The following B3GALT1 variants were observed in gnomAD, a reference collection of about 807,000 sequenced individuals.
B3GALT1 encodes the protein beta-1,3-galactosyltransferase 1.
In B3GALT1, 10 loss-of-function variants were observed where a neutral mutation model predicts 23.2. The observed-to-expected ratio is 0.43, with a 90% CI of 0.27 to 0.73. The LOEUF (loss-of-function observed/expected upper bound fraction) is 0.73. B3GALT1 is among the 30% of genes least tolerant of loss of function. The pLI, the probability that B3GALT1 is intolerant of heterozygous loss-of-function variation, is 0.21. For synonymous variants in B3GALT1, 156 were observed against 141.5 expected (o/e 1.10, Z -0.73); for missense variants, 299 against 405.4 (o/e 0.74, Z 2.25).
intron 4 of B3GALT1, among the ~76,000 whole-genome samples, chr2:167,831,290 A>G (rs553974798): frequency 6.6e-6 from 1 of 152,284 alleles, no homozygotes; most frequent in African/African-American, 2.4e-5. Context: ...TTAATGGAAA[A>G]TCTCCTTTAT....
chr2:167,702,845 A>C (rs1405073410), intron 3 of B3GALT1, among the ~76,000 whole-genome samples: 1 of 152,254 alleles, frequency 6.6e-6, no homozygotes, highest in Non-Finnish European at 1.5e-5. Flanking sequence ...GAAAAGCTAC[A>C]AAAGAAACAT....
At chr2:167,807,505 G>C (rs1308228051) in intron 3 of B3GALT1, among the ~76,000 whole-genome samples, 3 of 151,364 alleles carry the variant, frequency 2.0e-5, no homozygotes, top group African/African-American at 7.3e-5. Context: ...AGAGATTCTG[G>C]TATGTTGTGT....
At chr2:167,499,220 T>C (rs956197200) in intron 2 of B3GALT1, among the ~76,000 whole-genome samples, 11 of 152,178 alleles carry the variant, frequency 7.2e-5, no homozygotes, top group African/African-American at 2.7e-4. Context: ...TGCATGTTGA[T>C]TTTACTGTCT....
chr2:167,724,385 C>A (rs1574231955), intron 3 of B3GALT1, among the ~76,000 whole-genome samples: 1 of 152,166 alleles, frequency 6.6e-6, no homozygotes, highest in African/African-American at 2.4e-5. Flanking sequence ...AACTTAACAT[C>A]TACAAACTCG....
chr2:167,452,800 A>T (rs182153797), intron 1 of B3GALT1, among the ~76,000 whole-genome samples: 1 of 152,178 alleles, frequency 6.6e-6, no homozygotes, highest in African/African-American at 2.4e-5. Flanking sequence ...ACAACCAAAG[A>T]TACAAGAGGC....
At chr2:167,811,821 A>G (rs1688895268) in intron 3 of B3GALT1, among the ~76,000 whole-genome samples, 1 of 152,182 alleles carries the variant, frequency 6.6e-6, no homozygotes, top group Non-Finnish European at 1.5e-5. Context: ...ATAATGGAGA[A>G]CCACTTAAGT....
chr2:167,715,598 TTC>T, intron 3 of B3GALT1: 1 of 1,613,910 alleles, frequency 6.2e-7, no homozygotes, highest in Non-Finnish European at 8.5e-7. Flanking sequence ...ATGTTTAGAT[TTC>T]TCTTCTTTTA....
intron 3 of B3GALT1, among the ~76,000 whole-genome samples, chr2:167,668,202 AC>A (rs1268915353): frequency 6.7e-6 from 1 of 150,134 alleles, no homozygotes; most frequent in African/African-American, 2.5e-5. Flanking sequence ...CTGTTGGAAT[AC>A]CCGACCGCGT....
chr2:167,473,057 A>G (rs912185413), intron 1 of B3GALT1, among the ~76,000 whole-genome samples: 2 of 152,130 alleles, frequency 1.3e-5, no homozygotes, highest in Non-Finnish European at 2.9e-5. Context: ...TTGTATTCAG[A>G]AATCTGCAGT....
At chr2:167,741,415 A>G (rs1687574939) in intron 3 of B3GALT1, among the ~76,000 whole-genome samples, 1 of 152,192 alleles carries the variant, frequency 6.6e-6, no homozygotes, top group Admixed American at 6.5e-5. Context: ...CAGAGAAGTT[A>G]CAGTCTGGTA....
intron 3 of B3GALT1, among the ~76,000 whole-genome samples, chr2:167,689,685 G>A (rs965650334): frequency 3.3e-5 from 5 of 152,104 alleles, no homozygotes; most frequent in Admixed American, 6.6e-5. Flanking sequence ...GGAAACCAGA[G>A]TCAAAGCAGC....
At chr2:167,446,877 C>G (rs941671134) in intron 1 of B3GALT1, among the ~76,000 whole-genome samples, 1 of 152,196 alleles carries the variant, frequency 6.6e-6, no homozygotes, top group African/African-American at 2.4e-5. Flanking sequence ...AAGTCATTCT[C>G]CATCCAACTT....
intron 1 of B3GALT1, among the ~76,000 whole-genome samples, chr2:167,398,714 G>C (rs1173455118): frequency 1.3e-5 from 2 of 152,144 alleles, no homozygotes; most frequent in Non-Finnish European, 2.9e-5. Context: ...TAACTGCTCA[G>C]AGTATCATTC....
rs71397619 is a variant in B3GALT1, at chr2:167,868,489, TAAAAAAA to T, written c.-229-310_-229-304del. Among the ~76,000 whole-genome samples, 1,394 of 141,878 alleles carry T rather than the reference TAAAAAAA, an allele frequency of 9.8e-3. 23 individuals are homozygous for T. The highest frequency in any genetic ancestry group is 0.034 in the African/African-American group (1,315 of 39,168). 93.1% of individuals were successfully genotyped at this position (141,878 alleles called of 152,430 possible). ...TTAGTGCCAGAAAGTATGTCACTGT[TAAAAAAA>T]AAAAAAAAAAATACGTCATGTGAAG... On this transcript the variant is annotated intron_variant, in intron 4 of 4. Transcript: ENST00000392690.
At chr2:167,417,373 C>T (rs1698487334) in intron 1 of B3GALT1, among the ~76,000 whole-genome samples, 1 of 152,168 alleles carries the variant, frequency 6.6e-6, no homozygotes, top group African/African-American at 2.4e-5. Context: ...CCTTGGGACT[C>T]TGCCCAGTTC....
chr2:167,612,864 A>G (rs1157649841), intron 2 of B3GALT1, among the ~76,000 whole-genome samples: 2 of 152,008 alleles, frequency 1.3e-5, no homozygotes, highest in Non-Finnish European at 2.9e-5. Context: ...ATTTTGGTTC[A>G]TCTTATTGAG....
At chr2:167,848,740 C>A (rs1689812461) in intron 4 of B3GALT1, among the ~76,000 whole-genome samples, 2 of 152,118 alleles carry the variant, frequency 1.3e-5, no homozygotes, top group Non-Finnish European at 2.9e-5. Context: ...GAAGTCCTAG[C>A]CAGAGCAATC....
chr2:167,386,941 T>C (rs1217485495), intron 1 of B3GALT1, among the ~76,000 whole-genome samples: 1 of 152,192 alleles, frequency 6.6e-6, no homozygotes, highest in African/African-American at 2.4e-5. Flanking sequence ...TCACCTCCTC[T>C]GCCGCTTGAG....
chr2:167,354,890 TTA>T lies in B3GALT1; in HGVS notation c.-511+61559_-511+61560del, dbSNP rs548269225. Among the ~76,000 whole-genome samples the T allele has an allele frequency of 4.9e-3, 740 of 152,344 alleles. 4 individuals carry two copies. The highest frequency in any genetic ancestry group is 0.016 in the African/African-American group (682 of 41,582). On this transcript the variant is annotated intron_variant, in intron 1 of 4. Transcript: ENST00000392690. ...ATATTTTTCATCTTTATCACTCATA[TTA>T]TACATCAACCATGAGTTCTCAGCAA...
Sources: allele counts gnomAD v4.1 joint callset (sites outside exome capture counted in the v4.1 genomes callset), GRCh38; gene constraint gnomAD v4.1.1; transcripts MANE v1.5; gene names NCBI Gene and HGNC (gene_info 2026-07-23, HGNC 2026-07-21).